CCDC93: variants seen among roughly 807,000 people sequenced by gnomAD.
CCDC93 encodes coiled-coil domain-containing protein 93.
CCDC93 carries 61 observed loss-of-function variants against 108.2 expected under a neutral mutation model. The ratio of observed to expected loss-of-function variants is 0.56; its 90% CI spans 0.46 to 0.70. The LOEUF (loss-of-function observed/expected upper bound fraction) is 0.70. Among genes scored for constraint, CCDC93 ranks in the 30% least tolerant of loss-of-function variants. CCDC93 has a pLI of 0.00. For missense variants in CCDC93, 685 were observed against 764.2 expected (o/e 0.90, Z 1.22); for synonymous variants, 276 against 260.4 (o/e 1.06, Z -0.58).
At chr2:117,980,872 C>T (rs1295175407) in intron 7 of CCDC93, among the ~76,000 whole-genome samples, 1 of 152,162 alleles carries the variant, frequency 6.6e-6, no homozygotes, top group Non-Finnish European at 1.5e-5. Flanking sequence ...TCTTCCCAGC[C>T]CTTGGCTACC....
At chr2:117,971,033 G>A (rs1165202269) in intron 11 of CCDC93, among the ~76,000 whole-genome samples, 1 of 152,144 alleles carries the variant, frequency 6.6e-6, no homozygotes, top group African/African-American at 2.4e-5. Context: ...TTAATGAACT[G>A]CGCTGTATTA....
intron 4 of CCDC93, chr2:117,997,461 T>G (rs1038867346): frequency 2.0e-5 from 3 of 152,184 alleles, no homozygotes; most frequent in African/African-American, 7.2e-5. Flanking sequence ...CAACAGCATA[T>G]CACACTTGGT....
At chr2:117,992,706 T>A (rs534732244) in intron 6 of CCDC93, among the ~76,000 whole-genome samples, 69 of 152,212 alleles carry the variant, frequency 4.5e-4, no homozygotes, top group Non-Finnish European at 5.9e-4. Flanking sequence ...TTCAGTTTCC[T>A]GATTTATTAA....
Position 118,006,612 on chromosome 2 carries a change from AAAAGTTAAAATAAACTATGT to A in CCDC93, c.251+90_251+109del. ...AGGCAGGGATAATACCTCTTGTAAT[AAAAGTTAAAATAAACTATGT>A]AAAGTGTCCAACCAACTTCTGGCAC... On this transcript the variant is annotated intron_variant, in intron 3 of 23. Coordinates refer to ENST00000376300, the MANE Select transcript of CCDC93 (RefSeq NM_019044.5). 3 of 698,392 alleles carry A rather than the reference AAAAGTTAAAATAAACTATGT, an allele frequency of 4.3e-6. No individual in the cohort carries two copies. The East Asian group carries it at 8.1e-5, about 19-fold the overall frequency. 43.3% of individuals were successfully genotyped at this position (698,392 alleles called of 1,614,324 possible). A position where few individuals can be genotyped will look rare whatever the true frequency, so the allele number is the denominator to read the frequency against.
At chr2:117,938,202 G>A (rs1678582035) in intron 20 of CCDC93, among the ~76,000 whole-genome samples, 1 of 152,116 alleles carries the variant, frequency 6.6e-6, no homozygotes, top group African/African-American at 2.4e-5. Flanking sequence ...TTTTACAGGT[G>A]AGAAAAAAGA....
rs375076001 is a variant in CCDC93 at position 117,974,837 on chromosome 2, G to A, written c.801+13C>T. On this transcript the variant is annotated intron_variant, in intron 10 of 23. Coordinates refer to ENST00000376300, the MANE Select transcript of CCDC93 (RefSeq NM_019044.5). ...CAAGTCCCCATCCCCACACCTCCCC[G>A]ACTCCCACTCACCTCCTCATTTGCC... The A allele has an allele frequency of 8.3e-6, 13 of 1,565,674 alleles. No individual in the cohort carries two copies. Among genetic ancestry groups the A allele is most frequent in the African/African-American group, 5.4e-5 (4 of 73,714 alleles).
chr2:117,954,288 C>A (rs749970340), intron 12 of CCDC93, among the ~76,000 whole-genome samples: 9 of 152,168 alleles, frequency 5.9e-5, no homozygotes, highest in Non-Finnish European at 7.3e-5. Flanking sequence ...GGGGCAGAGC[C>A]AGGCCCAAGG....
rs1459412438 is a variant in CCDC93, at chr2:117,995,510, A to G, written c.463-8T>C. On this transcript the variant is annotated splice_region_variant and splice_polypyrimidine_tract_variant and intron_variant, in intron 5 of 23. Coordinates refer to ENST00000376300, the MANE Select transcript of CCDC93 (RefSeq NM_019044.5). Reference sequence around the variant, plus strand: ...CTTTATGAAGTCATCATCCTACAAGACAAAACAGAGCGATTAAACAAATCC... The same window carrying G: ...CTTTATGAAGTCATCATCCTACAAGGCAAAACAGAGCGATTAAACAAATCC... 6.2e-7 allele frequency: 1 copy of G among 1,611,244 alleles called. No individual in the cohort carries two copies. Among genetic ancestry groups the G allele is most frequent in the Non-Finnish European group, 8.5e-7 (1 of 1,177,328 alleles).
At chr2:117,961,758 A>G (rs1277061846) in intron 11 of CCDC93, among the ~76,000 whole-genome samples, 1 of 152,216 alleles carries the variant, frequency 6.6e-6, no homozygotes, top group East Asian at 1.9e-4. Flanking sequence ...AGTCAGACAG[A>G]AGGAGAAGAG....
intron 19 of CCDC93, among the ~76,000 whole-genome samples, chr2:117,939,889 C>A (rs1048208803): frequency 2.0e-5 from 3 of 152,172 alleles, no homozygotes; most frequent in Admixed American, 2.0e-4. Context: ...GGCCAAGATG[C>A]AGATGTGCAA....
At chr2:117,946,729 C>A in intron 16 of CCDC93, 82 bp downstream of exon 16, 1 of 906,620 alleles carries the variant, frequency 1.1e-6, no homozygotes, top group South Asian at 1.4e-5. Context: ...TTAGCAACAG[C>A]GGTCTGCTCT....
intron 19 of CCDC93, 51 bp downstream of exon 19, chr2:117,941,138 T>C (rs775884404): frequency 7.6e-7 from 1 of 1,315,060 alleles, no homozygotes; most frequent in Non-Finnish European, 1.1e-6. Flanking sequence ...AACAGACCCC[T>C]CGCCTGTCCC....
chr2:117,945,431 G>T, intron 17 of CCDC93, 98 bp downstream of exon 17: 1 of 956,262 alleles, frequency 1.0e-6, no homozygotes, highest in Non-Finnish European at 1.7e-6. Context: ...TGGCCATAGA[G>T]CACATTAAAG....
chr2:117,937,104 T>G (rs531649144), intron 20 of CCDC93, among the ~76,000 whole-genome samples: 28 of 152,342 alleles, frequency 1.8e-4, no homozygotes, highest in African/African-American at 6.5e-4. Flanking sequence ...CACTGCACTT[T>G]ATTTTCAAGG....
At chr2:117,968,347 C>T (rs899903557) in intron 11 of CCDC93, among the ~76,000 whole-genome samples, 2 of 152,072 alleles carry the variant, frequency 1.3e-5, no homozygotes, top group African/African-American at 4.8e-5. Context: ...ATTCTTCTTC[C>T]CTGTAAAAAT....
intron 23 of CCDC93, among the ~76,000 whole-genome samples, chr2:117,923,313 G>A (rs148231812): frequency 0.024 from 3,652 of 152,278 alleles, 59 homozygotes; most frequent in Non-Finnish European, 0.027. Context: ...GAGGCAGGGT[G>A]AGGCATCGCC....
intron 23 of CCDC93, among the ~76,000 whole-genome samples, chr2:117,925,933 G>GCAAT (rs756417782): frequency 2.0e-5 from 3 of 152,170 alleles, no homozygotes; most frequent in Non-Finnish European, 4.4e-5. Context: ...AGACCACAGT[G>GCAAT]CAATCAAACT....
intron 23 of CCDC93, among the ~76,000 whole-genome samples, chr2:117,922,929 CAA>C (rs1677924614): frequency 6.6e-6 from 1 of 151,640 alleles, no homozygotes; most frequent in Non-Finnish European, 1.5e-5. Context: ...CAAATTACCT[CAA>C]AAGAGCTTGT....
intron 19 of CCDC93, among the ~76,000 whole-genome samples, chr2:117,940,840 C>A (rs1343356649): frequency 6.6e-6 from 1 of 152,164 alleles, no homozygotes; most frequent in African/African-American, 2.4e-5. Context: ...TAGAGAAGAA[C>A]AATGAATGAG....
Sources: allele counts gnomAD v4.1 joint callset (sites outside exome capture counted in the v4.1 genomes callset), GRCh38; gene constraint gnomAD v4.1.1; transcripts MANE v1.5; gene names NCBI Gene and HGNC (gene_info 2026-07-23, HGNC 2026-07-21).